The following FSTL4 variants were observed in gnomAD, a reference collection of about 807,000 sequenced individuals.
FSTL4 encodes follistatin like 4.
In FSTL4, 28 loss-of-function variants were observed where a neutral mutation model predicts 78.2. The observed-to-expected ratio is 0.36, with a 90% CI of 0.27 to 0.49. The LOEUF is 0.49. Ranked by LOEUF, FSTL4 falls within the 20% of genes least tolerant of loss-of-function variation. The pLI is 0.98. For synonymous variants in FSTL4, 422 were observed against 440.5 expected (o/e 0.96, Z 0.53); for missense variants, 922 against 1,084.9 (o/e 0.85, Z 2.11).
chr5:133,729,919 T>G, the FSTL4 span, among the ~76,000 whole-genome samples: 1 of 152,094 alleles, frequency 6.6e-6, no homozygotes, highest in African/African-American at 2.4e-5. Context: ...GGAAGAGCCC[T>G]GAGGACACCT....
At chr5:133,424,744 G>A (rs890574309) in intron 3 of FSTL4, among the ~76,000 whole-genome samples, 4 of 152,228 alleles carry the variant, frequency 2.6e-5, no homozygotes, top group South Asian at 4.1e-4. Flanking sequence ...TAAATACCAC[G>A]TAAAGGAGAG....
chr5:133,781,402 TGTGTGTGTGGC>T, the FSTL4 span, among the ~76,000 whole-genome samples: 1,662 of 117,746 alleles, frequency 0.014, 37 homozygotes, highest in African/African-American at 0.048. Context: ...TGTGTGTGTG[TGTGTGTGTGGC>T]GTGTATGTGT....
At chr5:133,562,467 G>A (rs934887928) in intron 3 of FSTL4, among the ~76,000 whole-genome samples, 3 of 152,156 alleles carry the variant, frequency 2.0e-5, no homozygotes, top group Non-Finnish European at 4.4e-5. Context: ...TTTCACACTC[G>A]GGACTGGCAG....
intron 4 of FSTL4, among the ~76,000 whole-genome samples, chr5:133,329,519 CG>C (rs1754294073): frequency 6.6e-6 from 1 of 152,126 alleles, no homozygotes; most frequent in African/African-American, 2.4e-5. Context: ...AGAGCCAGTC[CG>C]AGTCCCAGAA....
chr5:133,201,318 C>T (rs1750312280), intron 15 of FSTL4, among the ~76,000 whole-genome samples: 1 of 152,014 alleles, frequency 6.6e-6, no homozygotes, highest in South Asian at 2.1e-4. Context: ...GAGGCCATGG[C>T]TCTTATTATT....
chr5:133,500,503 G>A (rs1192979610), intron 3 of FSTL4, among the ~76,000 whole-genome samples: 2 of 152,078 alleles, frequency 1.3e-5, no homozygotes, highest in East Asian at 3.9e-4. Flanking sequence ...CATGGGTCCT[G>A]TTAGACCAGA....
At chr5:133,728,939 G>T in the FSTL4 span, among the ~76,000 whole-genome samples, 1 of 152,158 alleles carries the variant, frequency 6.6e-6, no homozygotes, top group African/African-American at 2.4e-5. Flanking sequence ...AGAAAGACAG[G>T]AATAAATCGG....
At chr5:133,552,793 G>A (rs1759714263) in intron 3 of FSTL4, among the ~76,000 whole-genome samples, 1 of 152,284 alleles carries the variant, frequency 6.6e-6, no homozygotes, top group African/African-American at 2.4e-5. Context: ...GAGATGATGT[G>A]GCTCAACGAA....
chr5:133,446,146 T>C (rs966948946), intron 3 of FSTL4, among the ~76,000 whole-genome samples: 7 of 152,252 alleles, frequency 4.6e-5, no homozygotes, highest in African/African-American at 1.7e-4. Flanking sequence ...CACCAAAACC[T>C]GCAGGCTCTC....
the FSTL4 span, among the ~76,000 whole-genome samples, chr5:133,706,935 G>T: frequency 6.6e-6 from 1 of 152,174 alleles, no homozygotes; most frequent in Admixed American, 6.5e-5. Flanking sequence ...GCTCTCGGGA[G>T]GCCACAGCCC....
At chr5:133,418,709 T>C (rs1412704171) in intron 3 of FSTL4, among the ~76,000 whole-genome samples, 1 of 152,208 alleles carries the variant, frequency 6.6e-6, no homozygotes, top group Non-Finnish European at 1.5e-5. Context: ...GAAATAGCAT[T>C]ATACTATACA....
intron 4 of FSTL4, among the ~76,000 whole-genome samples, chr5:133,359,384 A>G (rs1323873556): frequency 6.6e-6 from 1 of 152,208 alleles, no homozygotes; most frequent in African/African-American, 2.4e-5. Context: ...ACTATGGGAG[A>G]CTGATGAATA....
chr5:133,835,086 G>A, the FSTL4 span, among the ~76,000 whole-genome samples: 1 of 152,140 alleles, frequency 6.6e-6, no homozygotes, highest in Non-Finnish European at 1.5e-5. Flanking sequence ...AAGTCACGTA[G>A]ATCAGTACCC....
the FSTL4 span, among the ~76,000 whole-genome samples, chr5:133,751,844 T>C: frequency 6.6e-6 from 1 of 152,242 alleles, no homozygotes; most frequent in South Asian, 2.1e-4. Flanking sequence ...CTGTTTCTGA[T>C]GAAGGCTTTT....
At chr5:133,566,194 T>G (rs1760023408) in intron 3 of FSTL4, among the ~76,000 whole-genome samples, 2 of 152,136 alleles carry the variant, frequency 1.3e-5, no homozygotes, top group Non-Finnish European at 2.9e-5. Flanking sequence ...AGCAGCACAC[T>G]ACCAGCTGGA....
chr5:133,682,888 A>G, the FSTL4 span, among the ~76,000 whole-genome samples: 1 of 152,044 alleles, frequency 6.6e-6, no homozygotes, highest in South Asian at 2.1e-4. Flanking sequence ...AAAACTACCA[A>G]GTTCTCCATT....
At chr5:133,734,537 G>A in the FSTL4 span, among the ~76,000 whole-genome samples, 2 of 152,206 alleles carry the variant, frequency 1.3e-5, no homozygotes, top group African/African-American at 4.8e-5. Flanking sequence ...ACAAAATTTT[G>A]ATGACTTAAA....
At chr5:133,790,654 T>C in the FSTL4 span, among the ~76,000 whole-genome samples, 1 of 152,138 alleles carries the variant, frequency 6.6e-6, no homozygotes, top group African/African-American at 2.4e-5. Flanking sequence ...CTCAGGATCA[T>C]CACGTGTAAA....
At chr5:133,247,688 T>A (rs993923216) in intron 7 of FSTL4, 3 of 152,264 alleles carry the variant, frequency 2.0e-5, no homozygotes, top group Non-Finnish European at 4.4e-5. Context: ...GTTCTGCCCA[T>A]CCAGCATCTG....
Sources: allele counts gnomAD v4.1 joint callset (sites outside exome capture counted in the v4.1 genomes callset), GRCh38; gene constraint gnomAD v4.1.1; transcripts MANE v1.5; gene names NCBI Gene and HGNC (gene_info 2026-07-23, HGNC 2026-07-21).